The following VPS13B variants were observed in gnomAD, a reference collection of about 807,000 sequenced individuals.
VPS13B encodes the protein intermembrane lipid transfer protein VPS13B.
VPS13B carries 285 observed loss-of-function variants against 426.4 expected under a neutral mutation model. The ratio of observed to expected loss-of-function variants is 0.67; its 90% confidence interval spans 0.61 to 0.74. The LOEUF (loss-of-function observed/expected upper bound fraction) is 0.74, where lower values mean the gene tolerates loss of function less well. VPS13B is among the 30% of genes least tolerant of loss of function. The pLI is 0.00. For synonymous variants in VPS13B, 1,676 were observed against 1,676.4 expected, an observed-to-expected ratio of 1.00 and a Z score of 0.01; for missense variants, 4,537 against 4,782.6, an observed-to-expected ratio of 0.95 and a Z score of 1.51.
At chr8:99,430,389 AT>A (rs1282392503) in intron 21 of VPS13B, among the ~76,000 whole-genome samples, 1 of 152,118 alleles carries the variant, frequency 6.6e-6, no homozygotes, top group Non-Finnish European at 1.5e-5. Context: ...TGATTTATTT[AT>A]TTTATGCTAC....
At chr8:99,619,489 A>G (rs961690860) in intron 33 of VPS13B, among the ~76,000 whole-genome samples, 1 of 152,224 alleles carries the variant, frequency 6.6e-6, no homozygotes, top group African/African-American at 2.4e-5. Context: ...ATGTAAGACT[A>G]GCTTTTAGAG....
At chr8:99,297,248 T>C (rs984867544) in intron 19 of VPS13B, among the ~76,000 whole-genome samples, 2 of 152,190 alleles carry the variant, frequency 1.3e-5, no homozygotes, top group African/African-American at 4.8e-5. Context: ...AATTGGCTAT[T>C]GTTTCATTTT....
rs543761230 is a variant in VPS13B, at chr8:99,518,070, A to G, written c.4634-2829A>G. On this transcript the variant is annotated intron_variant, in intron 29 of 61. Coordinates refer to ENST00000357162, the MANE Select transcript of VPS13B (RefSeq NM_152564.5). Reference sequence around the variant, plus strand: ...ATAGTCAGTATAATCTACTGAGAACACTTTTGGCCCTAACAGAAACAGAAT... The same window carrying G: ...ATAGTCAGTATAATCTACTGAGAACGCTTTTGGCCCTAACAGAAACAGAAT... Among the ~76,000 whole-genome samples the G allele has an allele frequency of 2.6e-5, 4 of 152,138 alleles. No individual in the cohort carries two copies. The South Asian group carries it at 8.3e-4, about 32-fold the overall frequency.
rs1023067235 is a variant in VPS13B, at chr8:99,063,763, C to T, written c.291+25197C>T. ...TGAGCTCAGAGAACAGACAGACTGCCTCCTCAAGTGGGTCCCTGACCCCTG... is the reference window on the plus strand; with the variant it reads ...TGAGCTCAGAGAACAGACAGACTGCTTCCTCAAGTGGGTCCCTGACCCCTG... On this transcript the variant is annotated intron_variant, in intron 3 of 61. Coordinates refer to ENST00000357162, the MANE Select transcript of VPS13B (RefSeq NM_152564.5). 2.0e-5 allele frequency among the ~76,000 whole-genome samples: 3 copies of T among 152,334 alleles called. No homozygotes were observed. In the East Asian group the frequency reaches 5.8e-4, roughly 29 times the overall value.
intron 7 of VPS13B, among the ~76,000 whole-genome samples, 161 bp from the exon 8 acceptor site, chr8:99,121,016 T>C (rs1037325811): frequency 1.3e-5 from 2 of 152,234 alleles, no homozygotes; most frequent in African/African-American, 2.4e-5. Flanking sequence ...TTGAGAGTCA[T>C]AATGCTAAAT....
At chr8:99,663,336 A>C (rs1830316814) in intron 35 of VPS13B, among the ~76,000 whole-genome samples, 1 of 152,182 alleles carries the variant, frequency 6.6e-6, no homozygotes, top group Non-Finnish European at 1.5e-5. Flanking sequence ...AAAGGTGTAG[A>C]AGTATGAAGA....
At position 99,696,391 on chromosome 8, in the gene VPS13B, A is replaced by T. The variant is rs1832003289; in HGVS notation, c.6047-3134A>T. On this transcript the variant is annotated intron_variant, in intron 35 of 61. Coordinates refer to ENST00000357162, the MANE Select transcript of VPS13B (RefSeq NM_152564.5). ...CTGCCTGCTGTGGATCCATGCCAAG[A>T]TCGTGGTGCTCATGCTGTGGCACAT... is the stretch of plus-strand genomic sequence containing the variant. 12 of 320,410 alleles carry T rather than the reference A, an allele frequency of 3.7e-5. 1 individual carries two copies. Among genetic ancestry groups the T allele is most frequent in the South Asian group, 3.0e-4 (10 of 33,824 alleles). The allele number at this position is 320,410 out of a possible 1,614,324, so 19.8% of individuals were successfully genotyped here. A position where few individuals can be genotyped will look rare whatever the true frequency, so the allele number is the denominator to read the frequency against.
chr8:99,805,821 C>T (rs962613960), intron 43 of VPS13B, among the ~76,000 whole-genome samples: 10 of 152,062 alleles, frequency 6.6e-5, no homozygotes, highest in African/African-American at 1.9e-4. Flanking sequence ...GACTTTTCCC[C>T]CCACCGTGGA....
At chr8:99,326,466 T>TTTTTTTTTTTTTTTTTTTTTTTTTTTG (rs1810278837) in intron 19 of VPS13B, among the ~76,000 whole-genome samples, 1 of 125,876 alleles carries the variant, frequency 7.9e-6, no homozygotes, top group African/African-American at 3.1e-5. Context: ...TTTTTTTTTT[T>TTTTTTTTTTTTTTTTTTTTTTTTTTTG]TTTTTTTTTT....
At chr8:99,019,791 T>C (rs1841798893) in intron 2 of VPS13B, among the ~76,000 whole-genome samples, 1 of 152,232 alleles carries the variant, frequency 6.6e-6, no homozygotes, top group African/African-American at 2.4e-5. Context: ...TCAAAAAGCT[T>C]ATCTATGTTG....
intron 44 of VPS13B, among the ~76,000 whole-genome samples, chr8:99,816,272 T>G (rs1333801061): frequency 6.6e-6 from 1 of 152,128 alleles, no homozygotes; most frequent in Admixed American, 6.5e-5. Context: ...CCAGCTAATT[T>G]TGTATTTTTA....
chr8:99,285,622 A>G (rs1053044951), intron 19 of VPS13B, among the ~76,000 whole-genome samples: 1 of 152,114 alleles, frequency 6.6e-6, no homozygotes, highest in Non-Finnish European at 1.5e-5. Context: ...TTTCTATGTG[A>G]GTTTTTATTT....
chr8:99,154,528 A>G (rs1811251810), intron 14 of VPS13B, among the ~76,000 whole-genome samples: 1 of 152,182 alleles, frequency 6.6e-6, no homozygotes, highest in South Asian at 2.1e-4. Flanking sequence ...AATTTGTATA[A>G]AATTTCCTTT....
chr8:99,539,348 TATA>T (rs1823431237), intron 30 of VPS13B, among the ~76,000 whole-genome samples: 1 of 152,218 alleles, frequency 6.6e-6, no homozygotes, highest in South Asian at 2.1e-4. Flanking sequence ...GATGTATGAT[TATA>T]ATTTTTGTAT....
chr8:99,579,871 T>C (rs571302070), intron 33 of VPS13B, among the ~76,000 whole-genome samples: 1 of 152,108 alleles, frequency 6.6e-6, no homozygotes, highest in African/African-American at 2.4e-5. Context: ...CTAATTTTTG[T>C]ATTTTTAGTA....
At chr8:99,109,881 T>C (rs1847271562) in intron 5 of VPS13B, among the ~76,000 whole-genome samples, 2 of 152,176 alleles carry the variant, frequency 1.3e-5, no homozygotes, top group Admixed American at 1.3e-4. Flanking sequence ...GTGTAGTATC[T>C]GAGTAATAGC....
At chr8:99,476,792 G>A (rs1248353246) in intron 24 of VPS13B, among the ~76,000 whole-genome samples, 5 of 152,146 alleles carry the variant, frequency 3.3e-5, no homozygotes, top group South Asian at 2.1e-4. Context: ...TCTATCACCA[G>A]TAGGAACTGC....
chr8:99,441,720 G>A (rs1817683286), intron 22 of VPS13B, among the ~76,000 whole-genome samples: 2 of 152,088 alleles, frequency 1.3e-5, no homozygotes. Flanking sequence ...ACTGGGGATA[G>A]GAGAACATTA....
intron 19 of VPS13B, among the ~76,000 whole-genome samples, chr8:99,311,041 T>C (rs1820938715): frequency 1.3e-5 from 2 of 152,178 alleles, no homozygotes. Flanking sequence ...TTTTATTGTG[T>C]CTATTTGATT....
Sources: allele counts gnomAD v4.1 joint callset (sites outside exome capture counted in the v4.1 genomes callset), GRCh38; gene constraint gnomAD v4.1.1; transcripts MANE v1.5; gene names NCBI Gene and HGNC (gene_info 2026-07-23, HGNC 2026-07-21).